The following OTOR variants were observed in gnomAD, a reference collection of about 807,000 sequenced individuals.
OTOR encodes the protein otoraplin.
OTOR carries 20 observed loss-of-function variants against 15.9 expected under a neutral mutation model. The ratio of observed to expected loss-of-function variants is 1.26; its 90% CI spans 0.89 to 1.83. The LOEUF (loss-of-function observed/expected upper bound fraction) is 1.83, where lower values mean the gene tolerates loss of function less well. OTOR is among the 40% of genes most tolerant of loss of function. OTOR has a pLI of 0.00. For missense variants in OTOR, 184 were observed against 159.0 expected (o/e 1.16, Z -0.85); for synonymous variants, 53 against 54.2 (o/e 0.98, Z 0.09).
chr20:16,750,286 A>C (rs535887320), intron 3 of OTOR, among the ~76,000 whole-genome samples: 52 of 152,260 alleles, frequency 3.4e-4, no homozygotes, highest in African/African-American at 1.2e-3. Flanking sequence ...TTATTGGGTT[A>C]TAATTGACAA....
intron 1 of OTOR, 57 bp downstream of exon 1, chr20:16,748,573 C>T: frequency 2.0e-6 from 2 of 1,009,202 alleles, no homozygotes; most frequent in South Asian, 1.4e-5. Flanking sequence ...AAAATATATC[C>T]ACTAATAGCA....
intron 3 of OTOR, among the ~76,000 whole-genome samples, chr20:16,750,392 CAT>C (rs1171438310): frequency 2.1e-5 from 3 of 142,314 alleles, no homozygotes; most frequent in African/African-American, 7.9e-5. Context: ...CATCACCTCA[CAT>C]AGTTACCTTT....
At chr20:16,750,367 G>A (rs1600231095) in intron 3 of OTOR, among the ~76,000 whole-genome samples, 2 of 151,868 alleles carry the variant, frequency 1.3e-5, no homozygotes, top group East Asian at 3.9e-4. Flanking sequence ...TCACATTCAA[G>A]CTAGTTAACA....
At chr20:16,749,092 C>T (rs1372595380) in intron 2 of OTOR, 86 bp downstream of exon 2, 2 of 963,580 alleles carry the variant, frequency 2.1e-6, no homozygotes, top group African/African-American at 1.7e-5. Flanking sequence ...ATGCTTAATA[C>T]TAGTTGTTAA....
At chr20:16,750,060 T>C in intron 3 of OTOR, 50 bp downstream of exon 3, 1 of 1,222,306 alleles carries the variant, frequency 8.2e-7, no homozygotes, top group Non-Finnish European at 1.2e-6. Context: ...TGGGGCAATG[T>C]AGGCCGGTGT....
intron 3 of OTOR, 91 bp downstream of exon 3, chr20:16,750,101 A>G (rs1273906522): frequency 2.4e-6 from 2 of 840,608 alleles, no homozygotes; most frequent in South Asian, 1.5e-5. Context: ...TACAAGTTGT[A>G]TAGAACAAAG....
At chr20:16,749,368 C>T (rs916757788) in intron 2 of OTOR, 9 of 174,884 alleles carry the variant, frequency 5.1e-5, no homozygotes, top group Admixed American at 3.1e-4. Context: ...ACTTTGCACC[C>T]TAATTAATTC....
Position 16,748,522 on chromosome 20 carries a change from G to A in OTOR, c.115+6G>A. ...TGCAGATGATGAGTGTGTCTGTAAG[G>A]ACTTTTTTATGCTTTTCATTATCTT... On this transcript the variant is annotated splice_donor_region_variant and intron_variant, in intron 1 of 3. Coordinates refer to ENST00000246081, the MANE Select transcript of OTOR (RefSeq NM_020157.4). 1.3e-6 allele frequency: 2 copies of A among 1,519,648 alleles called. No homozygotes were observed. The highest frequency in any genetic ancestry group is 1.8e-6 in the Non-Finnish European group (2 of 1,099,252). The allele number at this position is 1,519,648 out of a possible 1,614,324, so 94.1% of individuals were successfully genotyped here. A position where few individuals can be genotyped will look rare whatever the true frequency, so the allele number is the denominator to read the frequency against.
intron 1 of OTOR, 108 bp downstream of exon 1, chr20:16,748,624 G>A (rs1407902910): frequency 4.0e-6 from 3 of 756,452 alleles, no homozygotes; most frequent in Non-Finnish European, 4.4e-6. Flanking sequence ...TCTCCAATGT[G>A]TATGTTATCA....
intron 3 of OTOR, among the ~76,000 whole-genome samples, chr20:16,750,466 T>C (rs1403018495): frequency 2.0e-5 from 3 of 152,182 alleles, no homozygotes; most frequent in African/African-American, 7.2e-5. Context: ...AAATTTCAAG[T>C]ATACAATACA....
At position 16,748,479 on chromosome 20, in the gene OTOR, A is replaced by C. The variant is rs2072506484; in HGVS notation, c.78A>C (p.Leu26=). 2 of 1,613,372 alleles carry C rather than the reference A, an allele frequency of 1.2e-6. No individual in the cohort carries two copies. Among genetic ancestry groups the C allele is most frequent in the Non-Finnish European group, 1.7e-6 (2 of 1,179,272 alleles). Residue 26 remains leucine, a synonymous_variant, in exon 1 of 4, where the codon CTA becomes CTC. Coordinates refer to ENST00000246081, the MANE Select transcript of OTOR (RefSeq NM_020157.4). ...TGCATGGAATATTTATGGACCGTCT[A>C]GCTTCCAAGAAGCTCTGTGCAGATG... ...CAVHGIFMDR[L]ASKKLCADDE...
rs766011830 is a variant in OTOR at position 16,749,984 on chromosome 20, GA to G, written c.339del (p.Ala114LeufsTer47). The G allele has an allele frequency of 1.2e-6, 2 of 1,613,234 alleles. No homozygotes were observed. The highest frequency in any genetic ancestry group is 1.7e-6 in the Non-Finnish European group (2 of 1,179,364). On this transcript the variant is annotated frameshift_variant, in exon 3 of 4. Transcript: ENST00000246081. LOFTEE classifies it high-confidence loss of function. ...GGTCAAGGAACAGCGTGTGTACCAGGAAGCTACCAAGGAAGTTCCCACCACG... is the reference window on the plus strand; with the variant it reads ...GGTCAAGGAACAGCGTGTGTACCAGGAGCTACCAAGGAAGTTCCCACCACG... ...NLVKEQRVYQ[E>X]ATKEVPTTDI...
intron 1 of OTOR, 68 bp from the exon 2 acceptor site, chr20:16,748,799 A>G (rs764829803): frequency 8.3e-7 from 1 of 1,200,040 alleles, no homozygotes; most frequent in Non-Finnish European, 1.1e-6. Flanking sequence ...TTTCTAATAT[A>G]CATTGCCTTT....
rs776130394 is a variant in OTOR at position 16,749,936 on chromosome 20, G to A, written c.289G>A (p.Val97Met). ...TGATGGCCAGGACGAGATGGGAGTCGTGGGTTATTTCCCCAGGAACTTGGT... is the reference window on the plus strand; with the variant it reads ...TGATGGCCAGGACGAGATGGGAGTCATGGGTTATTTCCCCAGGAACTTGGT... ...YGDGQDEMGV[V>M]GYFPRNLVKE... The change falls in exon 3 of 4, where the codon GTG becomes ATG. Residue 97 changes from valine (V) to methionine (M), a missense_variant. Transcript: ENST00000246081. The A allele has an allele frequency of 6.2e-6, 10 of 1,613,602 alleles. No individual in the cohort carries two copies. Among genetic ancestry groups the A allele is most frequent in the East Asian group, 4.5e-5 (2 of 44,852 alleles).
At chr20:16,749,868 G>A in intron 2 of OTOR, 35 bp from the exon 3 acceptor site, 1 of 1,421,784 alleles carries the variant, frequency 7.0e-7, no homozygotes, top group Non-Finnish European at 9.9e-7. Context: ...CTCAGCATCA[G>A]CTTTTTCCTG....
Position 16,748,864 on chromosome 20 carries a change from C to T in OTOR, c.116-3C>T. ...GTAATCATTTAAATTTTTTTTCTTC[C>T]AGATACTATTTCTCTGGCTAGTGCT... On this transcript the variant is annotated splice_region_variant and splice_polypyrimidine_tract_variant and intron_variant, in intron 1 of 3. Coordinates refer to ENST00000246081, the MANE Select transcript of OTOR (RefSeq NM_020157.4). 6.4e-7 allele frequency: 1 copy of T among 1,563,410 alleles called. No individual in the cohort carries two copies. Among genetic ancestry groups the T allele is most frequent in the South Asian group, 1.2e-5 (1 of 82,088 alleles).
chr20:16,751,102 A>G lies in OTOR; in HGVS notation c.371A>G (p.Asp124Gly), dbSNP rs961259790. 6.5e-7 allele frequency: 1 copy of G among 1,545,260 alleles called. No homozygotes were observed. The highest frequency in any genetic ancestry group is 8.8e-7 in the Non-Finnish European group (1 of 1,140,792). ...ATKEVPTTDI[D>G]FFCE ...GTTTTTGTTTTTTTCCAGGATATTG[A>G]CTTCTTCTGCGAGTAATAAATTAGT... Residue 124 changes from aspartate to glycine, a missense_variant, in exon 4 of 4, where the codon GAC becomes GGC. Physicochemically the swap from Asp to Gly is moderately conservative, Grantham distance 94. Transcript: ENST00000246081.
At position 16,749,929 on chromosome 20, in the gene OTOR, G is replaced by A. The variant is rs759640557; in HGVS notation, c.282G>A (p.Met94Ile). ...TTTATGGTGATGGCCAGGACGAGAT[G>A]GGAGTCGTGGGTTATTTCCCCAGGA... is the stretch of plus-strand genomic sequence containing the variant. ...GSVYGDGQDE[M>I]GVVGYFPRNL... The change falls in exon 3 of 4, where the codon ATG becomes ATA. Residue 94 changes from methionine (M) to isoleucine (I), a missense_variant. By Grantham distance (10) the Met-to-Ile change is conservative. Coordinates refer to ENST00000246081, the MANE Select transcript of OTOR (RefSeq NM_020157.4). 6.2e-7 allele frequency: 1 copy of A among 1,613,504 alleles called. No individual in the cohort carries two copies. Among genetic ancestry groups the A allele is most frequent in the East Asian group, 2.2e-5 (1 of 44,836 alleles).
In OTOR at chr20:16,749,025, C is replaced by T. The variant is rs1358199506; in HGVS notation, c.255+19C>T. Reference sequence around the variant, plus strand: ...TGGCAGTGTAAGATAATTTAAACACCTATTGACGAATATTGCTCTTAACCT... The same window carrying T: ...TGGCAGTGTAAGATAATTTAAACACTTATTGACGAATATTGCTCTTAACCT... On this transcript the variant is annotated intron_variant, in intron 2 of 3. Coordinates refer to ENST00000246081, the MANE Select transcript of OTOR (RefSeq NM_020157.4). 6.4e-7 allele frequency: 1 copy of T among 1,555,964 alleles called. No homozygotes were observed. Among genetic ancestry groups the T allele is most frequent in the African/African-American group, 1.4e-5 (1 of 72,362 alleles).
Sources: allele counts gnomAD v4.1 joint callset (sites outside exome capture counted in the v4.1 genomes callset), GRCh38; gene constraint gnomAD v4.1.1; transcripts MANE v1.5; gene names NCBI Gene and HGNC (gene_info 2026-07-23, HGNC 2026-07-21).